Variants in ATP13A1 observed in about 807,000 individuals in gnomAD.
ATP13A1 encodes the protein ATPase 13A1.
Under a neutral mutation model 134.8 loss-of-function variants are expected in ATP13A1, and 55 were observed. That is an observed-to-expected ratio of 0.41 (90% CI 0.33 to 0.51). ATP13A1 has a LOEUF of 0.51. ATP13A1 is among the 20% of genes least tolerant of loss of function. ATP13A1 has a pLI of 0.29. For synonymous variants in ATP13A1, 775 were observed against 725.1 expected (o/e 1.07, Z -1.10); for missense variants, 1,389 against 1,652.8 (o/e 0.84, Z 2.77).
chr19:19,657,247 TC>T, intron 4 of ATP13A1, 88 bp downstream of exon 4: 1 of 1,493,366 alleles, frequency 6.7e-7, no homozygotes, highest in Non-Finnish European at 9.0e-7. Context: ...GGGAGAGGCT[TC>T]CAGGTTTAGA....
Position 19,656,067 on chromosome 19 carries a change from G to A in ATP13A1, c.1200C>T (p.Thr400=). 1 of 1,613,570 alleles carries A rather than the reference G, an allele frequency of 6.2e-7. No homozygotes were observed. The highest frequency in any genetic ancestry group is 8.5e-7 in the Non-Finnish European group (1 of 1,179,682). The part of the protein sequence containing the change: ...VVQHIPPQKA[T]TGLKPVDSGC... ...TGAGGCACCTACGCTTCAGGCCCGTGGTGGCTTTCTGTGGGGGGATGTGCT... is the reference window on the plus strand; with the variant it reads ...TGAGGCACCTACGCTTCAGGCCCGTAGTGGCTTTCTGTGGGGGGATGTGCT... Residue 400 remains threonine (T), a synonymous_variant, in exon 8 of 26, where the codon ACC becomes ACT. Transcript: ENST00000357324. This position sits in a 1 kb window ranked among gnomAD's most constrained non-coding sequence, Gnocchi z 4.6.
At chr19:19,650,065 C>G in intron 17 of ATP13A1, 125 bp from the exon 18 acceptor site, 2 of 828,590 alleles carry the variant, frequency 2.4e-6, no homozygotes, top group Admixed American at 2.5e-5. Context: ...CCCTACCCAC[C>G]CAGGTGACCC....
Position 19,656,537 on chromosome 19 carries a change from C to G in ATP13A1, c.1083+123G>C, listed in dbSNP as rs2062059609. ...ACCCGGCTCCCCAGTCCACAGAGCT[C>G]ATCTGTGCCCACACTGCCTCCTCCG... On this transcript the variant is annotated intron_variant, in intron 7 of 25. Coordinates refer to ENST00000357324, the MANE Select transcript of ATP13A1 (RefSeq NM_020410.3). The surrounding 1 kb of genome is among the most constrained non-coding windows in gnomAD (Gnocchi z 4.6). 1 of 1,075,938 alleles carries G rather than the reference C, an allele frequency of 9.3e-7. No individual in the cohort carries two copies. The highest frequency in any genetic ancestry group is 2.1e-5 in the Admixed American group (1 of 46,902). The allele number at this position is 1,075,938 out of a possible 1,614,324, so 66.6% of individuals were successfully genotyped here.
At chr19:19,648,363 G>C (rs2062000179) in intron 19 of ATP13A1, among the ~76,000 whole-genome samples, 1 of 151,948 alleles carries the variant, frequency 6.6e-6, no homozygotes, top group Admixed American at 6.6e-5. Flanking sequence ...AAAAGAAATA[G>C]CCAAGGAGCA....
At chr19:19,650,025 G>A (rs947241799) in intron 17 of ATP13A1, 85 bp from the exon 18 acceptor site, 8 of 1,284,224 alleles carry the variant, frequency 6.2e-6, no homozygotes, top group South Asian at 1.4e-5. Context: ...CCCAGCACCA[G>A]CCAGTCTCTC....
Position 19,663,662 on chromosome 19 carries a change from G to T in ATP13A1, c.5C>A (p.Ala2Glu). 1 of 1,285,028 alleles carries T rather than the reference G, an allele frequency of 7.8e-7. No homozygotes were observed. Among genetic ancestry groups the T allele is most frequent in the South Asian group, 2.5e-5 (1 of 40,408 alleles). 79.6% of individuals were successfully genotyped at this position (1,285,028 alleles called of 1,614,324 possible). The part of the protein sequence containing the change: M[A>E]AAAAVGNAVP... ...CGCGTTGCCCACCGCCGCCGCTGCC[G>T]CCATCTTTCCTAGCGCCGCGCTCAC... The change falls in exon 1 of 26, where the codon GCG (alanine) becomes GAG (glutamate). Residue 2 changes from alanine to glutamate, a missense_variant. Transcript: ENST00000357324.
Position 19,647,870 on chromosome 19 carries a change from G to T in ATP13A1, c.2633-111C>A. The T allele has an allele frequency of 7.4e-7, 1 of 1,347,702 alleles. No individual in the cohort carries two copies. The highest frequency in any genetic ancestry group is 9.9e-7 in the Non-Finnish European group (1 of 1,010,876). 83.5% of individuals were successfully genotyped at this position (1,347,702 alleles called of 1,614,324 possible). A position where few individuals can be genotyped will look rare whatever the true frequency, so the allele number is the denominator to read the frequency against. On this transcript the variant is annotated intron_variant, in intron 19 of 25. Transcript: ENST00000357324. The surrounding 1 kb of genome is among the most constrained non-coding windows in gnomAD (Gnocchi z 4.8). ...CCCCCAGCTGGCTCCCGTGAGGACA[G>T]TTCCCAGACTTCCCCATTTCACCTG...
chr19:19,653,778 C>A lies in ATP13A1; in HGVS notation c.2100+6G>T. The A allele has an allele frequency of 6.5e-7, 1 of 1,548,154 alleles. No individual in the cohort carries two copies. Among genetic ancestry groups the A allele is most frequent in the Non-Finnish European group, 8.7e-7 (1 of 1,144,626 alleles). On this transcript the variant is annotated splice_donor_region_variant and intron_variant, in intron 15 of 25. Transcript: ENST00000357324. The surrounding 1 kb of genome is among the most constrained non-coding windows in gnomAD (Gnocchi z 4.2). ...TGGTGAAGGCAGGGGGAGCCTGGGC[C>A]CGTACCTGCTGGTGAGTGAGGTGTC... is the stretch of plus-strand genomic sequence containing the variant.
chr19:19,659,211 T>G (rs2062078793), intron 3 of ATP13A1, among the ~76,000 whole-genome samples: 1 of 152,146 alleles, frequency 6.6e-6, no homozygotes, highest in Non-Finnish European at 1.5e-5. Context: ...TCCCAGCACT[T>G]TGGGAGGCCA....
At position 19,659,585 on chromosome 19, in the gene ATP13A1, C is replaced by T; in HGVS notation, c.677+16G>A. ...GACAGAAAGGCAAAGGTGCTACAGG[C>T]AAATCAAGGACTCACTTGTTGCTCC... On this transcript the variant is annotated intron_variant, in intron 3 of 25. Coordinates refer to ENST00000357324, the MANE Select transcript of ATP13A1 (RefSeq NM_020410.3). 6.2e-7 allele frequency: 1 copy of T among 1,601,480 alleles called. No homozygotes were observed. Among genetic ancestry groups the T allele is most frequent in the Non-Finnish European group, 8.5e-7 (1 of 1,170,054 alleles).
At position 19,652,704 on chromosome 19, in the gene ATP13A1, C is replaced by A; in HGVS notation, c.2117G>T (p.Arg706Leu). 1 of 1,605,894 alleles carries A rather than the reference C, an allele frequency of 6.2e-7. No individual in the cohort carries two copies. Among genetic ancestry groups the A allele is most frequent in the East Asian group, 2.2e-5 (1 of 44,590 alleles). The change falls in exon 16 of 26, where the codon CGG becomes CTG. Residue 706 changes from arginine (R) to leucine (L), a missense_variant. Coordinates refer to ENST00000357324, the MANE Select transcript of ATP13A1 (RefSeq NM_020410.3). Reference protein sequence around the residue: ...LTHQQAREVKREALECSLKFV... With the variant: ...LTHQQAREVKLEALECSLKFV... ...CTTGAGGCTGCACTCCAGGGCCTCC[C>A]GCTTGACCTCCCGGGCCTGCGGACA...
chr19:19,655,588 T>C lies in ATP13A1; in HGVS notation c.1336A>G (p.Ile446Val). The change falls in exon 10 of 26, where the codon ATC (isoleucine) becomes GTC (valine). Residue 446 changes from isoleucine (I) to valine (V), a missense_variant. By Grantham distance (29) the Ile-to-Val change is conservative (BLOSUM62 3). Transcript: ENST00000357324. The surrounding 1 kb of genome is among the most constrained non-coding windows in gnomAD (Gnocchi z 5.7). The stretch of plus-strand genomic sequence containing the variant: ...AACACCAGGAGGAAGAGGATGAAGA[T>C]GAAGGTCTCCAGGTTGTTCGCAGTC... ...RVTANNLETF[I>V]FILFLLVFAI... 1.3e-5 allele frequency: 21 copies of C among 1,613,858 alleles called. No homozygotes were observed. The highest frequency in any genetic ancestry group is 1.8e-5 in the Non-Finnish European group (21 of 1,179,838).
chr19:19,646,672 C>T, intron 22 of ATP13A1: 1 of 423,152 alleles, frequency 2.4e-6, no homozygotes, highest in East Asian at 4.3e-5. Flanking sequence ...CCCACCCCCT[C>T]CAGCCACCGG....
At chr19:19,646,681 G>A (rs1019700596) in intron 22 of ATP13A1, 4 of 398,946 alleles carry the variant, frequency 1.0e-5, no homozygotes, top group East Asian at 9.4e-5. Flanking sequence ...TCCAGCCACC[G>A]GGGACTCCCT....
chr19:19,647,681 T>C lies in ATP13A1; in HGVS notation c.2711A>G (p.Asn904Ser). The change falls in exon 20 of 26, where the codon AAC (asparagine) becomes AGC (serine). Residue 904 changes from asparagine to serine, a missense_variant. Coordinates refer to ENST00000357324, the MANE Select transcript of ATP13A1 (RefSeq NM_020410.3). The surrounding 1 kb of genome is among the most constrained non-coding windows in gnomAD (Gnocchi z 4.8). ...CCTGGAGGTGGCTCTGATGCCACTGTTGCTCAGGGTTGGGCTGTCCCGGGG... is the reference window on the plus strand; with the variant it reads ...CCTGGAGGTGGCTCTGATGCCACTGCTGCTCAGGGTTGGGCTGTCCCGGGG... ...RRPRDSPTLS[N>S]SGIRATSRTA... The C allele has an allele frequency of 6.2e-7, 1 of 1,612,532 alleles. No individual in the cohort carries two copies.
rs1398907989 is a variant in ATP13A1 at position 19,663,424 on chromosome 19, G to T, written c.243C>A (p.Ala81=). 1 of 1,574,192 alleles carries T rather than the reference G, an allele frequency of 6.4e-7. No homozygotes were observed. Among genetic ancestry groups the T allele is most frequent in the Non-Finnish European group, 8.6e-7 (1 of 1,162,682 alleles). Residue 81 remains alanine, a synonymous_variant, in exon 1 of 26, where the codon GCC becomes GCA. Coordinates refer to ENST00000357324, the MANE Select transcript of ATP13A1 (RefSeq NM_020410.3). ...AGLLYPAWLG[A]AAAGCWGWGS... Reference sequence around the variant, plus strand: ...CCCAGCCCCAGCAGCCAGCGGCTGCGGCACCCAACCAGGCCGGGTAAAGCA... The same window carrying T: ...CCCAGCCCCAGCAGCCAGCGGCTGCTGCACCCAACCAGGCCGGGTAAAGCA...
In ATP13A1 at chr19:19,647,855, G is replaced by A; in HGVS notation, c.2633-96C>T. ...CACTGGTCCTGAAGTCCCCCAGCTG[G>A]CTCCCGTGAGGACAGTTCCCAGACT... is the stretch of plus-strand genomic sequence containing the variant. On this transcript the variant is annotated intron_variant, in intron 19 of 25. Coordinates refer to ENST00000357324, the MANE Select transcript of ATP13A1 (RefSeq NM_020410.3). This position sits in a 1 kb window ranked among gnomAD's most constrained non-coding sequence, Gnocchi z 4.8. 3 of 1,433,728 alleles carry A rather than the reference G, an allele frequency of 2.1e-6. No individual in the cohort carries two copies. Among genetic ancestry groups the A allele is most frequent in the Non-Finnish European group, 2.8e-6 (3 of 1,077,300 alleles). 88.8% of individuals were successfully genotyped at this position (1,433,728 alleles called of 1,614,324 possible).
In ATP13A1 at chr19:19,656,773, G is replaced by A. The variant is rs1179423082; in HGVS notation, c.977-7C>T. 1.2e-6 allele frequency: 2 copies of A among 1,613,310 alleles called. No individual in the cohort carries two copies. The highest frequency in any genetic ancestry group is 1.7e-5 in the Admixed American group (1 of 59,958). On this transcript the variant is annotated splice_region_variant and splice_polypyrimidine_tract_variant and intron_variant, in intron 6 of 25. Coordinates refer to ENST00000357324, the MANE Select transcript of ATP13A1 (RefSeq NM_020410.3). This position sits in a 1 kb window ranked among gnomAD's most constrained non-coding sequence, Gnocchi z 4.6. ...TTCTCCTGTGGGGAGCGGCCTGCAGGGCAGAGGCAGGAGGGTTGGCCAGAG... is the reference window on the plus strand; with the variant it reads ...TTCTCCTGTGGGGAGCGGCCTGCAGAGCAGAGGCAGGAGGGTTGGCCAGAG...
rs908104465 is a variant in ATP13A1, at chr19:19,655,066, C to T, written c.1655+53G>A. 2.5e-6 allele frequency: 4 copies of T among 1,606,552 alleles called. No homozygotes were observed. In the African/African-American group the frequency reaches 4.0e-5, roughly 16 times the overall value. On this transcript the variant is annotated intron_variant, in intron 12 of 25. Transcript: ENST00000357324. The surrounding 1 kb of genome is among the most constrained non-coding windows in gnomAD (Gnocchi z 5.7). ...GGTGGATGGGCCACCTGTCTCTCGACTTCCCAGAAACCCCATCTGGGTGAC... is the reference window on the plus strand; with the variant it reads ...GGTGGATGGGCCACCTGTCTCTCGATTTCCCAGAAACCCCATCTGGGTGAC...
Sources: gnomAD v4.1 joint callset for allele counts (sites outside exome capture counted in the v4.1 genomes callset) on GRCh38, gnomAD v4.1.1 for gene constraint, Gnocchi (gnomAD v3.1) non-coding constraint, MANE v1.5 for transcripts, NCBI Gene and HGNC (gene_info 2026-07-23, HGNC 2026-07-21) for gene names.